The following SPTA1 variants were observed in gnomAD, a reference collection of about 807,000 sequenced individuals.
The protein encoded by SPTA1 is spectrin alpha chain, erythrocytic 1.
Under a neutral mutation model 324.7 loss-of-function variants are expected in SPTA1, and 177 were observed. That is an observed-to-expected ratio of 0.55 (90% confidence interval 0.48 to 0.62). The LOEUF is 0.62. Among genes scored for constraint, SPTA1 ranks in the 20% least tolerant of loss-of-function variants. The pLI, the probability that SPTA1 is intolerant of heterozygous loss-of-function variation, is 0.00. For missense variants in SPTA1, 3,162 were observed against 2,883.6 expected (o/e 1.10, Z -2.21); for synonymous variants, 1,195 against 1,041.3 (o/e 1.15, Z -2.84).
At chr1:158,636,245 A>G (rs532562888) in intron 37 of SPTA1, among the ~76,000 whole-genome samples, 6 of 152,226 alleles carry the variant, frequency 3.9e-5, no homozygotes, top group Non-Finnish European at 5.9e-5. Flanking sequence ...CAAATATATC[A>G]GTACTTGCAC....
intron 39 of SPTA1, among the ~76,000 whole-genome samples, chr1:158,630,328 A>G (rs1571399576): frequency 1.3e-5 from 2 of 152,106 alleles, no homozygotes; most frequent in East Asian, 3.8e-4. Context: ...TAGAGAGTCC[A>G]GAAATAAACC....
intron 17 of SPTA1, 32 bp from the exon 18 acceptor site, chr1:158,661,441 TTATCCTGGTGTA>T (rs1219481081): frequency 6.8e-6 from 11 of 1,613,466 alleles, no homozygotes; most frequent in Non-Finnish European, 9.3e-6. Context: ...AAGTTTCGGA[TTATCCTGGTGTA>T]TGGAAGTAGC....
chr1:158,651,909 C>CTCTCTCTCTG (rs972758420), intron 23 of SPTA1, among the ~76,000 whole-genome samples: 1 of 145,022 alleles, frequency 6.9e-6, no homozygotes, highest in Admixed American at 6.9e-5. Flanking sequence ...CTCTCTCTCT[C>CTCTCTCTCTG]TGTGTGTGTG....
chr1:158,658,801 A>C (rs910503600), intron 18 of SPTA1, among the ~76,000 whole-genome samples: 1 of 152,152 alleles, frequency 6.6e-6, no homozygotes, highest in Non-Finnish European at 1.5e-5. Flanking sequence ...ATGACAGCAG[A>C]CTTCTTATCA....
intron 49 of SPTA1, 34 bp downstream of exon 49, chr1:158,614,219 A>G (rs1259550171): frequency 1.4e-6 from 2 of 1,467,952 alleles, no homozygotes; most frequent in Non-Finnish European, 1.9e-6. Context: ...AATCTGAAAA[A>G]CAAAGAAGCA....
chr1:158,642,417 G>A lies in SPTA1; in HGVS notation c.4731C>T (p.Ala1577=), dbSNP rs1245790041. The part of the protein sequence containing the change: ...ECSACDGNEE[A]MKEQLEQLKE... ...AACTCATCCTGAGCTTTACCTTCAT[G>A]GCCTCTTCATTGCCATCACAAGCGC... is the stretch of plus-strand genomic sequence containing the variant. The change falls in exon 33 of 52, where the codon GCC becomes GCT. Residue 1577 remains alanine, a synonymous_variant. Transcript: ENST00000643759. 2 of 1,613,202 alleles carry A rather than the reference G, an allele frequency of 1.2e-6. No homozygotes were observed. The highest frequency in any genetic ancestry group is 1.7e-5 in the Admixed American group (1 of 59,944).
At chr1:158,614,127 A>T in intron 49 of SPTA1, 126 bp downstream of exon 49, 4 of 841,468 alleles carry the variant, frequency 4.8e-6, no homozygotes, top group Non-Finnish European at 7.7e-6. Flanking sequence ...ACTGGAGCTA[A>T]TGAGCATATC....
chr1:158,619,732 C>T (rs905825182), intron 44 of SPTA1, among the ~76,000 whole-genome samples: 1 of 152,102 alleles, frequency 6.6e-6, no homozygotes, highest in Admixed American at 6.5e-5. Context: ...TTCTATTACA[C>T]TTTTTATGTT....
intron 18 of SPTA1, among the ~76,000 whole-genome samples, chr1:158,660,784 G>A (rs1653155778): frequency 6.6e-6 from 1 of 152,150 alleles, no homozygotes; most frequent in Non-Finnish European, 1.5e-5. Flanking sequence ...GTTCAAAACT[G>A]AACATCATAC....
In SPTA1 at chr1:158,645,252, C is replaced by T. The variant is rs747053023; in HGVS notation, c.4130G>A (p.Arg1377Lys). ...TTCCCAAGCCTTCTCCAAATCATCT[C>T]TCTCTAGCTTGACAGCTTGAAGCTT... ...EKKLQAVKLE[R>K]DDLEKAWEKR... Residue 1377 changes from arginine (R) to lysine (K), a missense_variant, in exon 29 of 52, where the codon AGA becomes AAA. Transcript: ENST00000643759. 1.2e-5 allele frequency: 20 copies of T among 1,613,966 alleles called. No individual in the cohort carries two copies. The highest frequency in any genetic ancestry group is 1.6e-5 in the Non-Finnish European group (19 of 1,179,972).
At chr1:158,666,743 T>C (rs143401540) in intron 15 of SPTA1, among the ~76,000 whole-genome samples, 161 of 152,308 alleles carry the variant, frequency 1.1e-3, no homozygotes, top group Non-Finnish European at 1.9e-3. Flanking sequence ...TGATAAGATA[T>C]AGTTCTGCTG....
intron 23 of SPTA1, 141 bp downstream of exon 23, chr1:158,652,326 G>A (rs1344910304): frequency 4.3e-5 from 40 of 920,978 alleles, no homozygotes; most frequent in African/African-American, 2.3e-4. Flanking sequence ...AATACCTAGA[G>A]GGAGATCTCA....
At chr1:158,618,610 A>T (rs563007342) in intron 45 of SPTA1, among the ~76,000 whole-genome samples, 1 of 152,338 alleles carries the variant, frequency 6.6e-6, no homozygotes, top group South Asian at 2.1e-4. Context: ...GACATATGTT[A>T]TCTTCAGGTA....
At chr1:158,622,519 A>G (rs1160952961) in intron 43 of SPTA1, among the ~76,000 whole-genome samples, 1 of 152,152 alleles carries the variant, frequency 6.6e-6, no homozygotes, top group East Asian at 1.9e-4. Context: ...GATGCTACTC[A>G]ATTTTCTAAA....
chr1:158,630,206 G>A (rs1163734490), intron 39 of SPTA1, among the ~76,000 whole-genome samples: 1 of 151,918 alleles, frequency 6.6e-6, no homozygotes, highest in African/African-American at 2.4e-5. Context: ...TATTGACAAA[G>A]AAGAACAAAG....
intron 24 of SPTA1, among the ~76,000 whole-genome samples, chr1:158,650,915 TAG>T (rs1387971147): frequency 6.6e-6 from 1 of 152,190 alleles, no homozygotes; most frequent in Admixed American, 6.5e-5. Flanking sequence ...CTTTCAGATA[TAG>T]AAACTGAGGT....
chr1:158,663,797 T>C (rs1332690), intron 16 of SPTA1, among the ~76,000 whole-genome samples: 13,093 of 152,182 alleles, frequency 0.086, 1,895 homozygotes, highest in African/African-American at 0.3. Flanking sequence ...CAAACTACCA[T>C]GGCATATGTA....
chr1:158,622,826 A>T (rs568511557), intron 43 of SPTA1, 157 bp downstream of exon 43: 2 of 731,478 alleles, frequency 2.7e-6, no homozygotes, highest in Non-Finnish European at 2.3e-6. Flanking sequence ...CTTCTTTTCA[A>T]TCTACTTTTT....
chr1:158,676,315 C>A lies in SPTA1; in HGVS notation c.958-20G>T. 6.2e-7 allele frequency: 1 copy of A among 1,612,766 alleles called. No individual in the cohort carries two copies. The highest frequency in any genetic ancestry group is 1.1e-5 in the South Asian group (1 of 91,062). ...CTTCACCTTTGGGATGAAAAAGAAA[C>A]CTAGTAGGAAATCCAAGTACTCTGA... On this transcript the variant is annotated intron_variant, in intron 7 of 51. Coordinates refer to ENST00000643759, the MANE Select transcript of SPTA1 (RefSeq NM_003126.4).
Sources: allele counts gnomAD v4.1 joint callset (sites outside exome capture counted in the v4.1 genomes callset), GRCh38; gene constraint gnomAD v4.1.1; transcripts MANE v1.5; gene names NCBI Gene and HGNC (gene_info 2026-07-23, HGNC 2026-07-21).